OPCML: variants seen among roughly 807,000 people sequenced by gnomAD.
OPCML encodes opioid binding protein/cell adhesion molecule like, also known as opioid-binding protein/cell adhesion molecule.
OPCML carries 13 observed loss-of-function variants against 37.8 expected under a neutral mutation model. The ratio of observed to expected loss-of-function variants is 0.34; its 90% CI spans 0.22 to 0.55. OPCML has a LOEUF of 0.55. Among genes scored for constraint, OPCML ranks in the 20% least tolerant of loss-of-function variants. OPCML has a pLI of 0.91. For synonymous variants in OPCML, 176 were observed against 168.8 expected (o/e 1.04, Z -0.33); for missense variants, 341 against 435.6 (o/e 0.78, Z 1.93).
chr11:132,794,899 TAA>T (rs55742457), intron 2 of OPCML, among the ~76,000 whole-genome samples: 70,656 of 140,650 alleles, frequency 0.5, 17,109 homozygotes, highest in Middle Eastern at 0.54. Context: ...ATATCATGAG[TAA>T]AAAAAAAAAA....
chr11:132,866,036 G>A (rs1053723023), intron 2 of OPCML, among the ~76,000 whole-genome samples: 1 of 151,188 alleles, frequency 6.6e-6, no homozygotes, highest in Non-Finnish European at 1.5e-5. Context: ...GCACTCTTTA[G>A]TTCAGTCCTA....
At position 132,417,820 on chromosome 11, in the gene OPCML, C is replaced by G. The variant is rs1440342303; in HGVS notation, c.*2373G>C. 6.6e-6 allele frequency: 1 copy of G among 152,190 alleles called. No individual in the cohort carries two copies. Among genetic ancestry groups the G allele is most frequent in the Non-Finnish European group, 1.5e-5 (1 of 68,042 alleles). 9.4% of individuals were successfully genotyped at this position (152,190 alleles called of 1,614,324 possible). On this transcript the variant is annotated 3_prime_UTR_variant, in exon 8 of 8. Coordinates refer to ENST00000524381, the MANE Select transcript of OPCML (RefSeq NM_001012393.5). ...CAGATCTGAAACGTCTATGTGCGAC[C>G]TTTAATTCTGATTTTGCGCCTGCTC...
At chr11:133,091,049 G>C (rs1330576736) in intron 1 of OPCML, among the ~76,000 whole-genome samples, 1 of 152,186 alleles carries the variant, frequency 6.6e-6, no homozygotes. Context: ...CCTCAAACCT[G>C]AAGACCCAGG....
intron 2 of OPCML, among the ~76,000 whole-genome samples, chr11:132,673,225 C>T (rs1418565055): frequency 6.6e-6 from 1 of 152,062 alleles, no homozygotes; most frequent in African/African-American, 2.4e-5. Flanking sequence ...TGGTCTTGTC[C>T]TTAGAACGCA....
intron 3 of OPCML, among the ~76,000 whole-genome samples, chr11:132,530,366 C>A (rs1270996162): frequency 6.6e-6 from 1 of 152,036 alleles, no homozygotes; most frequent in Non-Finnish European, 1.5e-5. Context: ...TTATCATCAC[C>A]ACTGTCCTGG....
At chr11:132,469,133 G>A (rs772649723) in intron 4 of OPCML, among the ~76,000 whole-genome samples, 1 of 152,156 alleles carries the variant, frequency 6.6e-6, no homozygotes, top group African/African-American at 2.4e-5. Context: ...TAAGTGCCAA[G>A]AATTCATCAA....
intron 1 of OPCML, among the ~76,000 whole-genome samples, chr11:133,426,333 C>A (rs1217474242): frequency 6.6e-6 from 1 of 152,028 alleles, no homozygotes; most frequent in Non-Finnish European, 1.5e-5. Flanking sequence ...TTATCTCTAT[C>A]AACTTTCTAC....
chr11:132,548,663 C>A (rs566566451), intron 3 of OPCML, among the ~76,000 whole-genome samples: 1 of 152,248 alleles, frequency 6.6e-6, no homozygotes, highest in South Asian at 2.1e-4. Flanking sequence ...GGGGATCTCC[C>A]GGTTTGGGAG....
chr11:133,314,031 C>A (rs553813962), intron 1 of OPCML, among the ~76,000 whole-genome samples: 2 of 151,458 alleles, frequency 1.3e-5, no homozygotes, highest in East Asian at 3.9e-4. Context: ...GTCAGGAGAT[C>A]GAGACCATCC....
chr11:132,434,171 T>G (rs2096006086), intron 7 of OPCML, among the ~76,000 whole-genome samples: 1 of 152,134 alleles, frequency 6.6e-6, no homozygotes, highest in Non-Finnish European at 1.5e-5. Context: ...CTCTCAGTGT[T>G]TTTAAGACTA....
Position 132,922,931 on chromosome 11 carries a change from A to C in OPCML, c.146+19995T>G, listed in dbSNP as rs756097492. Reference sequence around the variant, plus strand: ...ACGTTTTTGTTTTTTGTTTTTTTTTAAATTAGCCAGGTGTGGTGGTGCATG... The same window carrying C: ...ACGTTTTTGTTTTTTGTTTTTTTTTCAATTAGCCAGGTGTGGTGGTGCATG... On this transcript the variant is annotated intron_variant, in intron 2 of 7. Coordinates refer to ENST00000524381, the MANE Select transcript of OPCML (RefSeq NM_001012393.5). 1.2e-3 allele frequency among the ~76,000 whole-genome samples: 183 copies of C among 151,198 alleles called. 1 individual carries two copies. The highest frequency in any genetic ancestry group is 2.2e-3 in the Non-Finnish European group (147 of 67,816).
At chr11:132,501,436 G>A (rs929186952) in intron 4 of OPCML, among the ~76,000 whole-genome samples, 2 of 152,142 alleles carry the variant, frequency 1.3e-5, no homozygotes, top group Non-Finnish European at 2.9e-5. Context: ...TAGCGCTGGG[G>A]CCTGTACTTC....
intron 1 of OPCML, among the ~76,000 whole-genome samples, chr11:133,137,588 T>G (rs1450685139): frequency 6.6e-6 from 1 of 152,184 alleles, no homozygotes; most frequent in Non-Finnish European, 1.5e-5. Flanking sequence ...TTAGGATCCA[T>G]AAAATTGAGT....
At chr11:132,601,833 T>A (rs934777376) in intron 3 of OPCML, among the ~76,000 whole-genome samples, 3 of 152,210 alleles carry the variant, frequency 2.0e-5, no homozygotes, top group African/African-American at 4.8e-5. Flanking sequence ...CATCCGTTTA[T>A]AGGTACATAC....
chr11:133,286,470 CAAAAAAAAAAAA>C (rs60645863), intron 1 of OPCML, among the ~76,000 whole-genome samples: 3 of 51,304 alleles, frequency 5.8e-5, no homozygotes, highest in East Asian at 5.8e-4. Flanking sequence ...CTGTGTCTCA[CAAAAAAAAAAAA>C]AAAAAAAAAA....
intron 1 of OPCML, among the ~76,000 whole-genome samples, chr11:133,350,364 T>G (rs1944106870): frequency 6.6e-6 from 1 of 152,138 alleles, no homozygotes; most frequent in Admixed American, 6.5e-5. Context: ...TTTCAAGAAA[T>G]TGACAATTTT....
At chr11:133,302,329 G>GC (rs1565559262) in intron 1 of OPCML, 1 of 152,496 alleles carries the variant, frequency 6.6e-6, no homozygotes, top group Non-Finnish European at 1.5e-5. Context: ...CATTTCCCCT[G>GC]CCGGCTCTCA....
chr11:132,778,607 T>C (rs527672293), intron 2 of OPCML, among the ~76,000 whole-genome samples: 30 of 152,340 alleles, frequency 2.0e-4, no homozygotes, highest in Non-Finnish European at 2.5e-4. Context: ...ATATTCTTGT[T>C]GTATCTTTTA....
At chr11:132,836,788 A>G (rs926760359) in intron 2 of OPCML, among the ~76,000 whole-genome samples, 3 of 152,186 alleles carry the variant, frequency 2.0e-5, no homozygotes, top group Non-Finnish European at 4.4e-5. Context: ...ATCAATGGGT[A>G]AGGAAAATCT....
Sources: gnomAD v4.1 joint callset for allele counts (sites outside exome capture counted in the v4.1 genomes callset) on GRCh38, gnomAD v4.1.1 for gene constraint, MANE v1.5 for transcripts, NCBI Gene and HGNC (gene_info 2026-07-23, HGNC 2026-07-21) for gene names.